TXNDC5: variants seen among roughly 807,000 people sequenced by gnomAD.
TXNDC5 encodes the protein thioredoxin domain-containing protein 5.
TXNDC5 carries 44 observed loss-of-function variants against 52.6 expected under a neutral mutation model. That is an observed-to-expected ratio of 0.84 (90% CI 0.66 to 1.08). TXNDC5 has a LOEUF of 1.08. TXNDC5 is among the 50% of genes least tolerant of loss of function. The probability of loss-of-function intolerance (pLI) is 0.00; values close to 1 mark genes in which losing one functional copy is unlikely to be tolerated. For missense variants in TXNDC5, 600 were observed against 565.5 expected, an observed-to-expected ratio of 1.06 and a Z score of -0.62; for synonymous variants, 241 against 234.4, an observed-to-expected ratio of 1.03 and a Z score of -0.26.
rs371402991 is a variant in TXNDC5, at chr6:7,900,022, G to A, written c.414-341C>T. 32 of 73,966 alleles carry A rather than the reference G, an allele frequency of 4.3e-4. No individual in the cohort carries two copies. The Middle Eastern group carries it at 0.012, about 29-fold the overall frequency. The allele number at this position is 73,966 out of a possible 1,614,324, so 4.6% of individuals were successfully genotyped here. ...TGCAAGCTACTGTTATGCTTTCCCGGCTTCAGCAGTTGTTGTCTGTGTTCA... is the reference window on the plus strand; with the variant it reads ...TGCAAGCTACTGTTATGCTTTCCCGACTTCAGCAGTTGTTGTCTGTGTTCA... On this transcript the variant is annotated intron_variant, in intron 2 of 9. Transcript: ENST00000379757.
At position 7,881,602 on chromosome 6, in the gene TXNDC5, C is replaced by G. The variant is rs188947034; in HGVS notation, c.*1542G>C. ...TTTGATTTTCTTGGAATACAAGACT[C>G]GTGATGCAAAGCTGAAGTTGTGTGT... On this transcript the variant is annotated 3_prime_UTR_variant, in exon 10 of 10. Coordinates refer to ENST00000379757, the MANE Select transcript of TXNDC5 (RefSeq NM_030810.5). 6.6e-6 allele frequency: 1 copy of G among 150,788 alleles called. No homozygotes were observed. Among genetic ancestry groups the G allele is most frequent in the Non-Finnish European group, 1.5e-5 (1 of 67,988 alleles). The allele number at this position is 150,788 out of a possible 1,614,324, so 9.3% of individuals were successfully genotyped here.
intron 9 of TXNDC5, among the ~76,000 whole-genome samples, chr6:7,883,916 G>A (rs1197370364): frequency 6.6e-6 from 1 of 152,178 alleles, no homozygotes; most frequent in Non-Finnish European, 1.5e-5. Context: ...TTGCTGGCAT[G>A]GCCCTTTCAG....
intron 6 of TXNDC5, 129 bp from the exon 7 acceptor site, chr6:7,888,977 T>A (rs1386823859): frequency 1.6e-6 from 2 of 1,228,586 alleles, no homozygotes; most frequent in African/African-American, 1.6e-5. Context: ...AAAGTCTGCA[T>A]GTTCATATTT....
chr6:7,898,203 G>A (rs930047755), intron 3 of TXNDC5, among the ~76,000 whole-genome samples: 12 of 152,142 alleles, frequency 7.9e-5, no homozygotes, highest in African/African-American at 2.7e-4. Flanking sequence ...TGGGATTACA[G>A]GCACCTACCA....
rs781435530 is a variant in TXNDC5, at chr6:7,884,496, G to A, written c.1047-8C>T. On this transcript the variant is annotated splice_polypyrimidine_tract_variant and splice_region_variant and intron_variant, in intron 8 of 9. Coordinates refer to ENST00000379757, the MANE Select transcript of TXNDC5 (RefSeq NM_030810.5). Reference sequence around the variant, plus strand: ...GTCTTACAATGACCACACCTAAGACGAGAAAAATGGCAGCTTCGTTGAAAT... The same window carrying A: ...GTCTTACAATGACCACACCTAAGACAAGAAAAATGGCAGCTTCGTTGAAAT... 1.4e-5 allele frequency: 22 copies of A among 1,613,930 alleles called. No individual in the cohort carries two copies. Among genetic ancestry groups the A allele is most frequent in the Admixed American group, 8.3e-5 (5 of 60,008 alleles).
At chr6:7,902,246 C>T (rs1407515766) in intron 2 of TXNDC5, among the ~76,000 whole-genome samples, 2 of 152,322 alleles carry the variant, frequency 1.3e-5, no homozygotes, top group Admixed American at 6.5e-5. Context: ...TCTATTGTTT[C>T]TGGCCACCCG....
At chr6:7,906,453 T>C (rs1308828272) in intron 1 of TXNDC5, among the ~76,000 whole-genome samples, 1 of 146,398 alleles carries the variant, frequency 6.8e-6, no homozygotes, top group Non-Finnish European at 1.5e-5. Flanking sequence ...GGAGAATCGC[T>C]TGAACCCGGG....
Position 7,893,169 on chromosome 6 carries a change from T to C in TXNDC5, c.617-1433A>G, listed in dbSNP as rs148576614. Among the ~76,000 whole-genome samples, 1,084 of 152,348 alleles carry C rather than the reference T, an allele frequency of 7.1e-3. 2 individuals carry two copies. The highest frequency in any genetic ancestry group is 9.3e-3 in the Non-Finnish European group (635 of 68,022). On this transcript the variant is annotated intron_variant, in intron 4 of 9. Transcript: ENST00000379757. ...GGTGTTTAGCTGTTCTACCCTGACA[T>C]TGGGCTGATACCAAACTGAAAGCAG... is the stretch of plus-strand genomic sequence containing the variant.
rs144979043 is a variant in TXNDC5 at position 7,883,276 on chromosome 6, A to C, written c.1177-10T>G. 477 of 1,613,688 alleles carry C rather than the reference A, an allele frequency of 3.0e-4. 1 individual carries two copies. In the African/African-American group the frequency reaches 5.3e-3, roughly 18 times the overall value. Reference sequence around the variant, plus strand: ...TGGGGTAGCCTCGTACCTTAAAACAAAAAAGAAAAAAGTTTGCAAACCAGC... The same window carrying C: ...TGGGGTAGCCTCGTACCTTAAAACACAAAAGAAAAAAGTTTGCAAACCAGC... On this transcript the variant is annotated splice_polypyrimidine_tract_variant and intron_variant, in intron 9 of 9. Coordinates refer to ENST00000379757, the MANE Select transcript of TXNDC5 (RefSeq NM_030810.5).
At position 7,902,028 on chromosome 6, in the gene TXNDC5, G is replaced by GAC. The variant is rs142230011; in HGVS notation, c.414-2349_414-2348dup. Among the ~76,000 whole-genome samples, 2 of 152,016 alleles carry GAC rather than the reference G, an allele frequency of 1.3e-5. 1 individual carries two copies. Among genetic ancestry groups the GAC allele is most frequent in the Admixed American group, 1.3e-4 (2 of 15,244 alleles). ...TGTAAGAAGGGTTTGGACACAGAGA[G>GAC]ACACACACACACAGAGAGAGAAGGG... On this transcript the variant is annotated intron_variant, in intron 2 of 9. Coordinates refer to ENST00000379757, the MANE Select transcript of TXNDC5 (RefSeq NM_030810.5).
intron 1 of TXNDC5, among the ~76,000 whole-genome samples, chr6:7,908,081 G>C (rs1760794580): frequency 6.6e-6 from 1 of 152,012 alleles, no homozygotes; most frequent in Non-Finnish European, 1.5e-5. Context: ...TCAAGAGATC[G>C]AGACAATCCT....
At chr6:7,885,919 G>A (rs1222732048) in intron 8 of TXNDC5, 42 bp downstream of exon 8, 2 of 1,590,248 alleles carry the variant, frequency 1.3e-6, no homozygotes, top group African/African-American at 1.3e-5. Context: ...ATGTGACTTA[G>A]TACACATGGA....
chr6:7,899,713 A>G (rs1760498633), intron 2 of TXNDC5, 32 bp from the exon 3 acceptor site: 1 of 1,581,446 alleles, frequency 6.3e-7, no homozygotes, highest in South Asian at 1.1e-5. Context: ...AGACAGAGCA[A>G]AAAGAAAGTT....
chr6:7,910,548 T>C lies in TXNDC5; in HGVS notation c.229A>G (p.Ser77Gly). Residue 77 changes from serine (S) to glycine (G), a missense_variant, in exon 1 of 10, where the codon AGC becomes GGC. Coordinates refer to ENST00000379757, the MANE Select transcript of TXNDC5 (RefSeq NM_030810.5). ...TADMFTHGIQ[S>G]AAHFVMFFAP... ...AAGAACATGACGAAGTGCGCGGCGC[T>C]CTGGATCCCGTGCGTGAACATGTCG... 1 of 1,457,602 alleles carries C rather than the reference T, an allele frequency of 6.9e-7. No individual in the cohort carries two copies. Among genetic ancestry groups the C allele is most frequent in the Non-Finnish European group, 9.1e-7 (1 of 1,095,266 alleles). The allele number at this position is 1,457,602 out of a possible 1,614,324, so 90.3% of individuals were successfully genotyped here. A position where few individuals can be genotyped will look rare whatever the true frequency, so the allele number is the denominator to read the frequency against.
chr6:7,896,645 A>C (rs919690212), intron 3 of TXNDC5, among the ~76,000 whole-genome samples: 2 of 152,236 alleles, frequency 1.3e-5, no homozygotes, highest in African/African-American at 4.8e-5. Context: ...CACACAAAAC[A>C]ATGCCCAAGG....
chr6:7,886,140 A>C, intron 7 of TXNDC5, 97 bp from the exon 8 acceptor site: 1 of 1,072,472 alleles, frequency 9.3e-7, no homozygotes, highest in South Asian at 1.4e-5. Flanking sequence ...TAATTTTTTA[A>C]AAATGCAGTT....
intron 1 of TXNDC5, among the ~76,000 whole-genome samples, chr6:7,907,376 T>C (rs892312041): frequency 2.6e-5 from 4 of 152,096 alleles, no homozygotes; most frequent in African/African-American, 9.7e-5. Flanking sequence ...ACTCAGAAGG[T>C]AGCCTGTGGC....
rs544648726 is a variant in TXNDC5 at position 7,907,749 on chromosome 6, T to C, written c.263+2765A>G. Among the ~76,000 whole-genome samples, 94 of 152,264 alleles carry C rather than the reference T, an allele frequency of 6.2e-4. 1 individual carries two copies. Among genetic ancestry groups the C allele is most frequent in the Middle Eastern group, 6.8e-3 (2 of 294 alleles). The stretch of plus-strand genomic sequence containing the variant: ...CATAGACCCCTCCAGAGTCACCACC[T>C]TGCTCTCAGCCTTACAACTTACCAA... On this transcript the variant is annotated intron_variant, in intron 1 of 9. Coordinates refer to ENST00000379757, the MANE Select transcript of TXNDC5 (RefSeq NM_030810.5).
At chr6:7,884,250 A>G (rs1366751705) in intron 9 of TXNDC5, 109 bp downstream of exon 9, 7 of 1,452,982 alleles carry the variant, frequency 4.8e-6, no homozygotes, top group African/African-American at 1.4e-5. Context: ...CATAAAAACC[A>G]CATTGTTGAG....
Sources: allele counts gnomAD v4.1 joint callset (sites outside exome capture counted in the v4.1 genomes callset), GRCh38; gene constraint gnomAD v4.1.1; transcripts MANE v1.5; gene names NCBI Gene and HGNC (gene_info 2026-07-23, HGNC 2026-07-21).